The following IGFN1 variants were observed in gnomAD, a reference collection of about 807,000 sequenced individuals.
IGFN1 encodes immunoglobulin-like and fibronectin type III domain-containing protein 1.
Under a neutral mutation model 289.5 loss-of-function variants are expected in IGFN1, and 253 were observed. The ratio of observed to expected loss-of-function variants is 0.87; its 90% CI spans 0.79 to 0.97. The LOEUF (loss-of-function observed/expected upper bound fraction) is 0.97. Ranked by LOEUF, IGFN1 falls within the 50% of genes least tolerant of loss-of-function variation. The pLI is 0.00. For synonymous variants in IGFN1, 1,706 were observed against 1,788.5 expected (o/e 0.95, Z 1.16); for missense variants, 4,470 against 4,686.1 (o/e 0.95, Z 1.35).
rs187741833 is a variant in IGFN1, at chr1:201,221,139, T to C, written c.9899-305T>C. Among the ~76,000 whole-genome samples, 9 of 152,252 alleles carry C rather than the reference T, an allele frequency of 5.9e-5. No individual in the cohort carries two copies. The East Asian group carries it at 1.7e-3, about 29-fold the overall frequency. On this transcript the variant is annotated intron_variant, in intron 18 of 23. Transcript: ENST00000335211. ...ACCCAAGAGGTCATCAACTAAAATA[T>C]CAGTTTTCAGGAATTACAGAAGGAT... is the stretch of plus-strand genomic sequence containing the variant.
Position 201,212,076 on chromosome 1 carries a change from G to T in IGFN1, c.7183G>T (p.Ala2395Ser). ...AMGHRSGYWVASEGDTNSKDG... is the reference protein window; with the variant it reads ...AMGHRSGYWVSSEGDTNSKDG... ...GGGTCACAGGTCAGGATATTGGGTA[G>T]CATCAGAGGGTGACACGAACTCCAA... Residue 2395 changes from alanine to serine, a missense_variant, in exon 12 of 24, where the codon GCA becomes TCA. Transcript: ENST00000335211. 2.0e-6 allele frequency: 3 copies of T among 1,536,412 alleles called. No individual in the cohort carries two copies. The highest frequency in any genetic ancestry group is 2.6e-6 in the Non-Finnish European group (3 of 1,146,768).
chr1:201,227,497 G>T (rs574544759), intron 23 of IGFN1, among the ~76,000 whole-genome samples: 1 of 150,912 alleles, frequency 6.6e-6, no homozygotes, highest in Non-Finnish European at 1.5e-5. Context: ...GCATGATCTC[G>T]GCTCACTGCA....
rs771214716 is a variant in IGFN1 at position 201,207,913 on chromosome 1, G to C, written c.3020G>C (p.Gly1007Ala). ...APAGVESEEG[G>A]GYRHGSGAPG... ...GCGGGAGTGGAGTCTGAGGAAGGGG[G>C]TGGGTACAGGCATGGCTCCGGAGCG... The change falls in exon 12 of 24, where the codon GGT becomes GCT. Residue 1007 changes from glycine to alanine, a missense_variant. Coordinates refer to ENST00000335211, the MANE Select transcript of IGFN1 (RefSeq NM_001164586.2). 1.1e-5 allele frequency: 17 copies of C among 1,536,766 alleles called. No individual in the cohort carries two copies. Among genetic ancestry groups the C allele is most frequent in the Non-Finnish European group, 1.4e-5 (16 of 1,146,762 alleles).
In IGFN1 at chr1:201,207,504, A is replaced by G; in HGVS notation, c.2611A>G (p.Ile871Val). The stretch of plus-strand genomic sequence containing the variant: ...TGGAGGACAAGAGGGTATGGGTGGT[A>G]TCTGGGTGGCTGGACTGACGGAGTC... ...PSGGQEGMGGIWVAGLTESGQ... is the reference protein window; with the variant it reads ...PSGGQEGMGGVWVAGLTESGQ... The change falls in exon 12 of 24, where the codon ATC (isoleucine) becomes GTC (valine). Residue 871 changes from isoleucine (I) to valine (V), a missense_variant. Physicochemically the swap from Ile to Val is conservative, Grantham distance 29 (BLOSUM62 3). This residue lies in a region of IGFN1 where 2,011 missense variants were observed against 1,953.4 expected (regional missense o/e 1.03). Transcript: ENST00000335211. The G allele has an allele frequency of 1.3e-6, 2 of 1,535,342 alleles. No individual in the cohort carries two copies. Among genetic ancestry groups the G allele is most frequent in the Non-Finnish European group, 1.7e-6 (2 of 1,145,986 alleles).
Position 201,208,131 on chromosome 1 carries a change from C to T in IGFN1, c.3238C>T (p.Pro1080Ser). The T allele has an allele frequency of 1.3e-6, 2 of 1,536,900 alleles. No homozygotes were observed. The highest frequency in any genetic ancestry group is 1.7e-6 in the Non-Finnish European group (2 of 1,146,828). ...GHHSDGGLGS[P>S]GVTGSAGRGG... ...CCATTCAGATGGTGGCCTAGGGAGT[C>T]CTGGGGTGACAGGGTCTGCGGGTAG... is the stretch of plus-strand genomic sequence containing the variant. The change falls in exon 12 of 24, where the codon CCT (proline) becomes TCT (serine). Residue 1080 changes from proline to serine, a missense_variant. Transcript: ENST00000335211.
intron 1 of IGFN1, among the ~76,000 whole-genome samples, chr1:201,191,352 T>C (rs1306509580): frequency 6.6e-6 from 1 of 152,008 alleles, no homozygotes; most frequent in Non-Finnish European, 1.5e-5. Context: ...CAACTGGAGG[T>C]AGCAGGGACC....
At chr1:201,200,803 C>T (rs1462235304) in intron 8 of IGFN1, among the ~76,000 whole-genome samples, 5 of 147,054 alleles carry the variant, frequency 3.4e-5, no homozygotes, top group Admixed American at 1.4e-4. Flanking sequence ...CACCAGATTG[C>T]GGGGGGGAGG....
At position 201,208,897 on chromosome 1, in the gene IGFN1, G is replaced by A. The variant is rs1423903768; in HGVS notation, c.4004G>A (p.Ser1335Asn). Residue 1335 changes from serine (S) to asparagine (N), a missense_variant, in exon 12 of 24, where the codon AGT (serine) becomes AAT (asparagine). This residue lies in a region of IGFN1 where 2,011 missense variants were observed against 1,953.4 expected (regional missense o/e 1.03). Transcript: ENST00000335211. The stretch of plus-strand genomic sequence containing the variant: ...GATTTAGGGGCTCCTGAGGGAATAA[G>A]TTCAGGGAGCAAGGCAGATTATAGG... Reference protein sequence around the residue: ...RKDLGAPEGISSGSKADYRGG... With the variant: ...RKDLGAPEGINSGSKADYRGG... 3.9e-6 allele frequency: 6 copies of A among 1,536,494 alleles called. No individual in the cohort carries two copies. Among genetic ancestry groups the A allele is most frequent in the African/African-American group, 2.7e-5 (2 of 72,910 alleles).
chr1:201,201,651 G>A (rs1667166106), intron 8 of IGFN1, 68 bp from the exon 9 acceptor site: 10 of 825,512 alleles, frequency 1.2e-5, no homozygotes, highest in Non-Finnish European at 2.0e-5. Flanking sequence ...CAGAGCCTAT[G>A]AGGGTTCAGA....
At position 201,208,796 on chromosome 1, in the gene IGFN1, G is replaced by T. The variant is rs1321456842; in HGVS notation, c.3903G>T (p.Gly1301=). 2.0e-6 allele frequency: 3 copies of T among 1,536,450 alleles called. No individual in the cohort carries two copies. Among genetic ancestry groups the T allele is most frequent in the Non-Finnish European group, 2.6e-6 (3 of 1,146,632 alleles). The change falls in exon 12 of 24, where the codon GGG becomes GGT. Residue 1301 remains glycine (G), a synonymous_variant. Transcript: ENST00000335211. ...GGGCTCCTGAGAATATGGGTTCGGG[G>T]AGCAAGGCAGATTATAGGGATGGTG... ...DLGAPENMGS[G]SKADYRDGVG...
At chr1:201,199,933 CTTTTTTTT>C (rs374455467) in intron 7 of IGFN1, among the ~76,000 whole-genome samples, 25 of 145,054 alleles carry the variant, frequency 1.7e-4, no homozygotes, top group Non-Finnish European at 3.0e-5. Context: ...CAATGATGTA[CTTTTTTTT>C]TTTAAGCAAC....
rs1291892510 is a variant in IGFN1, at chr1:201,207,736, C to T, written c.2843C>T (p.Pro948Leu). Residue 948 changes from proline (P) to leucine (L), a missense_variant, in exon 12 of 24, where the codon CCC becomes CTC. Coordinates refer to ENST00000335211, the MANE Select transcript of IGFN1 (RefSeq NM_001164586.2). ...GGCTATAAGGATGGCTTGGAAGGTC[C>T]CGGGAGAATGGAATCTAGGTACGAG... ...ETGYKDGLEG[P>L]GRMESRYEGG... 6.5e-7 allele frequency: 1 copy of T among 1,536,798 alleles called. No homozygotes were observed. The highest frequency in any genetic ancestry group is 2.0e-5 in the Admixed American group (1 of 50,928).
Position 201,212,511 on chromosome 1 carries a change from G to T in IGFN1, c.7618G>T (p.Ala2540Ser), listed in dbSNP as rs760428764. ...GKGAVEGETWAGMAALGSGYE... is the reference protein window; with the variant it reads ...GKGAVEGETWSGMAALGSGYE... ...GGGGGCAGTGGAAGGTGAGACCTGG[G>T]CAGGAATGGCTGCTCTAGGGTCTGG... The change falls in exon 12 of 24, where the codon GCA (alanine) becomes TCA (serine). Residue 2540 changes from alanine to serine, a missense_variant. By Grantham distance (99) the Ala-to-Ser change is moderately conservative. Around this residue, in one of 8 missense-constraint regions of IGFN1, gnomAD observed 2,218 missense variants for 2,114.1 expected, o/e 1.05. Coordinates refer to ENST00000335211, the MANE Select transcript of IGFN1 (RefSeq NM_001164586.2). The T allele has an allele frequency of 1.3e-6, 2 of 1,545,214 alleles. No individual in the cohort carries two copies. Among genetic ancestry groups the T allele is most frequent in the Non-Finnish European group, 1.7e-6 (2 of 1,146,860 alleles).
At chr1:201,220,317 G>C (rs1223822827) in intron 18 of IGFN1, among the ~76,000 whole-genome samples, 3 of 152,116 alleles carry the variant, frequency 2.0e-5, no homozygotes, top group Non-Finnish European at 4.4e-5. Flanking sequence ...TAAGCAGCTG[G>C]AACTATGAGC....
At chr1:201,199,092 C>A (rs966897654) in intron 5 of IGFN1, among the ~76,000 whole-genome samples, 2 of 152,182 alleles carry the variant, frequency 1.3e-5, no homozygotes, top group Non-Finnish European at 2.9e-5. Context: ...GCCTCCCCTG[C>A]ATGAGATGAT....
chr1:201,205,846 C>T (rs1293784233), intron 11 of IGFN1, among the ~76,000 whole-genome samples: 2 of 152,202 alleles, frequency 1.3e-5, no homozygotes, highest in African/African-American at 4.8e-5. Flanking sequence ...AAGCCTATAG[C>T]AGGGTGGCCT....
At chr1:201,219,874 C>T (rs1379889027) in intron 18 of IGFN1, among the ~76,000 whole-genome samples, 2 of 152,218 alleles carry the variant, frequency 1.3e-5, no homozygotes, top group Non-Finnish European at 2.9e-5. Flanking sequence ...TTACTCCTTG[C>T]AAATGGACCA....
chr1:201,214,928 C>A, intron 13 of IGFN1, 85 bp from the exon 14 acceptor site: 1 of 1,389,442 alleles, frequency 7.2e-7, no homozygotes, highest in East Asian at 2.3e-5. Context: ...AGGATCCCAG[C>A]ATCAGTAAAG....
intron 1 of IGFN1, among the ~76,000 whole-genome samples, chr1:201,191,313 A>C (rs192461137): frequency 2.7e-4 from 41 of 152,274 alleles, no homozygotes; most frequent in Middle Eastern, 6.8e-3. Flanking sequence ...TCCTGCCTCA[A>C]TTTCTACCAG....
Sources: gnomAD v4.1 joint callset for allele counts (sites outside exome capture counted in the v4.1 genomes callset) on GRCh38, gnomAD v4.1.1 for gene constraint, gnomAD v4.1.1 regional missense constraint, MANE v1.5 for transcripts, NCBI Gene and HGNC (gene_info 2026-07-23, HGNC 2026-07-21) for gene names.